The following ETAA1 variants were observed in gnomAD, a reference collection of about 807,000 sequenced individuals.
ETAA1 encodes ETAA1 activator of ATR kinase.
In ETAA1, 49 loss-of-function variants were observed where a neutral mutation model predicts 76.8. The ratio of observed to expected loss-of-function variants is 0.64; its 90% CI spans 0.51 to 0.81. The LOEUF is 0.81. ETAA1 is among the 30% of genes least tolerant of loss of function. The pLI is 0.00. For missense variants in ETAA1, 1,099 were observed against 1,074.0 expected (o/e 1.02, Z -0.32); for synonymous variants, 373 against 372.2 (o/e 1.00, Z -0.03).
chr2:67,403,708 A>T lies in ETAA1; in HGVS notation c.1026A>T (p.Ser342=), dbSNP rs777652446. ...IEKLSNKTPR[S]LSSQVDTPIM... is the part of the protein sequence containing the mutation. ...AACTGTCAAATAAAACCCCACGATC[A>T]CTTTCTTCTCAAGTAGATACACCCA... The change falls in exon 5 of 6, where the codon TCA becomes TCT. Residue 342 remains serine (S), a synonymous_variant. Coordinates refer to ENST00000272342, the MANE Select transcript of ETAA1 (RefSeq NM_019002.4). 3 of 1,613,384 alleles carry T rather than the reference A, an allele frequency of 1.9e-6. No homozygotes were observed. The South Asian group carries it at 3.3e-5, about 18-fold the overall frequency.
rs903397923 is a variant in ETAA1, at chr2:67,397,659, A to G, written c.211A>G (p.Ser71Gly). 1.9e-6 allele frequency: 3 copies of G among 1,547,152 alleles called. No homozygotes were observed. Among genetic ancestry groups the G allele is most frequent in the Non-Finnish European group, 2.6e-6 (3 of 1,146,852 alleles). The change falls in exon 1 of 6, where the codon AGT becomes GGT. Residue 71 changes from serine (S) to glycine (G), a missense_variant. Physicochemically the swap from Ser to Gly is moderately conservative, Grantham distance 56. Transcript: ENST00000272342. Reference sequence around the variant, plus strand: ...TCCGACCGCCGCCCTGTGCAGTAAAAGTAACCCCGAGGGTGAGACGTCGGC... The same window carrying G: ...TCCGACCGCCGCCCTGTGCAGTAAAGGTAACCCCGAGGGTGAGACGTCGGC... ...QPPTAALCSK[S>G]NPEERYETPK...
intron 5 of ETAA1, among the ~76,000 whole-genome samples, chr2:67,407,160 C>T (rs1676242665): frequency 6.6e-6 from 1 of 151,196 alleles, no homozygotes; most frequent in East Asian, 1.9e-4. Flanking sequence ...CAAGGGTGTC[C>T]AATCTTTTGG....
rs548438590 is a variant in ETAA1, at chr2:67,403,917, A to G, written c.1235A>G (p.Asp412Gly). 1.2e-6 allele frequency: 2 copies of G among 1,612,148 alleles called. No homozygotes were observed. Among genetic ancestry groups the G allele is most frequent in the African/African-American group, 2.7e-5 (2 of 74,908 alleles). ...CCTTCTAAAACAGCCCATGTTACTG[A>G]TCAAAAGGAAATTTGTACCTTTAAT... ...LFPSKTAHVTDQKEICTFNSK... is the reference protein window; with the variant it reads ...LFPSKTAHVTGQKEICTFNSK... Residue 412 changes from aspartate (D) to glycine (G), a missense_variant, in exon 5 of 6, where the codon GAT becomes GGT. Coordinates refer to ENST00000272342, the MANE Select transcript of ETAA1 (RefSeq NM_019002.4).
In ETAA1 at chr2:67,405,090, CTG is replaced by C. The variant is rs768653536; in HGVS notation, c.2410_2411del (p.Val804AsnfsTer3). 6 of 1,612,540 alleles carry C rather than the reference CTG, an allele frequency of 3.7e-6. No individual in the cohort carries two copies. The highest frequency in any genetic ancestry group is 5.1e-6 in the Non-Finnish European group (6 of 1,179,210). ...AGTACTAATCAGCCATGCCATAAGA[CTG>C]TAACAGATGAAGCTCAGAGCAACCT... is the stretch of plus-strand genomic sequence containing the variant. On this transcript the variant is annotated frameshift_variant, in exon 5 of 6. Coordinates refer to ENST00000272342, the MANE Select transcript of ETAA1 (RefSeq NM_019002.4). LOFTEE classifies it high-confidence loss of function.
In ETAA1 at chr2:67,411,708, T is replaced by C. The variant is rs1248641713; in HGVS notation, c.*1670T>C. Reference sequence around the variant, plus strand: ...GTTGGAGACTGTACATCAAAAATGGTATTTTCATATCTACAGTGGAGTACT... The same window carrying C: ...GTTGGAGACTGTACATCAAAAATGGCATTTTCATATCTACAGTGGAGTACT... On this transcript the variant is annotated 3_prime_UTR_variant, in exon 6 of 6. Coordinates refer to ENST00000272342, the MANE Select transcript of ETAA1 (RefSeq NM_019002.4). The C allele has an allele frequency of 6.6e-6, 1 of 152,130 alleles. No individual in the cohort carries two copies. Among genetic ancestry groups the C allele is most frequent in the Non-Finnish European group, 1.5e-5 (1 of 68,002 alleles). 9.4% of individuals were successfully genotyped at this position (152,130 alleles called of 1,614,324 possible).
At chr2:67,409,874 C>A in intron 5 of ETAA1, 37 bp from the exon 6 acceptor site, 2 of 1,565,178 alleles carry the variant, frequency 1.3e-6, no homozygotes, top group Non-Finnish European at 8.6e-7. Flanking sequence ...ACTTTATAGG[C>A]TATAAAAGTA....
Position 67,404,151 on chromosome 2 carries a change from T to C in ETAA1, c.1469T>C (p.Ile490Thr), listed in dbSNP as rs943103804. The C allele has an allele frequency of 1.9e-5, 30 of 1,593,666 alleles. No homozygotes were observed. The highest frequency in any genetic ancestry group is 3.4e-4 in the Middle Eastern group (2 of 5,936). Residue 490 changes from isoleucine to threonine, a missense_variant, in exon 5 of 6, where the codon ATT becomes ACT. This residue lies in a region of ETAA1 where 761 missense variants were observed against 731.9 expected (regional missense o/e 1.04). Transcript: ENST00000272342. The stretch of plus-strand genomic sequence containing the variant: ...GAGAACTCTTCCAATAAAATTGTTA[T>C]TCAAGACGAAATTCAAAATTGTATA... ...KFENSSNKIVIQDEIQNCIVT... is the reference protein window; with the variant it reads ...KFENSSNKIVTQDEIQNCIVT...
At chr2:67,409,118 C>T (rs1437597833) in intron 5 of ETAA1, among the ~76,000 whole-genome samples, 1 of 152,020 alleles carries the variant, frequency 6.6e-6, no homozygotes, top group Admixed American at 6.6e-5. Flanking sequence ...GAAAATGCCT[C>T]TGTTAGTTAA....
At chr2:67,408,914 A>C (rs982515608) in intron 5 of ETAA1, among the ~76,000 whole-genome samples, 3 of 152,056 alleles carry the variant, frequency 2.0e-5, no homozygotes, top group Non-Finnish European at 4.4e-5. Context: ...TAATTAGTCA[A>C]GCTAATTAGA....
At position 67,404,453 on chromosome 2, in the gene ETAA1, A is replaced by C; in HGVS notation, c.1771A>C (p.Lys591Gln). The C allele has an allele frequency of 6.2e-7, 1 of 1,613,326 alleles. No homozygotes were observed. The highest frequency in any genetic ancestry group is 8.5e-7 in the Non-Finnish European group (1 of 1,179,512). ...NDPSFANEIIKACHQLDNTWE... is the reference protein window; with the variant it reads ...NDPSFANEIIQACHQLDNTWE... Reference sequence around the variant, plus strand: ...TCCCTCATTTGCCAATGAAATTATTAAAGCATGTCATCAATTAGATAATAC... The same window carrying C: ...TCCCTCATTTGCCAATGAAATTATTCAAGCATGTCATCAATTAGATAATAC... Residue 591 changes from lysine to glutamine, a missense_variant, in exon 5 of 6, where the codon AAA becomes CAA. This residue lies in a region of ETAA1 where 761 missense variants were observed against 731.9 expected (regional missense o/e 1.04). Transcript: ENST00000272342.
chr2:67,399,112 G>C, intron 1 of ETAA1, 57 bp from the exon 2 acceptor site: 1 of 1,508,916 alleles, frequency 6.6e-7, no homozygotes, highest in South Asian at 1.3e-5. Flanking sequence ...GGGGTCTTAC[G>C]AAGTAAGGTA....
Position 67,405,149 on chromosome 2 carries a change from TTTAC to T in ETAA1, c.2468_2471del (p.Phe823Ter). 1.2e-6 allele frequency: 2 copies of T among 1,612,538 alleles called. No individual in the cohort carries two copies. On this transcript the variant is annotated frameshift_variant, in exon 5 of 6. Coordinates refer to ENST00000272342, the MANE Select transcript of ETAA1 (RefSeq NM_019002.4). LOFTEE classifies it high-confidence loss of function. Reference sequence around the variant, plus strand: ...AACAGTTGGATTTTCAAAGTTTACATTTACAAGGATGAAAAATTCTCAGATTCTT... The same window carrying T: ...AACAGTTGGATTTTCAAAGTTTACATAAGGATGAAAAATTCTCAGATTCTT...
Position 67,403,562 on chromosome 2 carries a change from A to T in ETAA1, c.880A>T (p.Ser294Cys). ...AIFDGSTQKC[S>C]GQLSQELPEA... ...TTTTGATGGTTCTACTCAGAAATGT[A>T]GCGGACAGTTAAGCCAAGAACTGCC... Residue 294 changes from serine to cysteine, a missense_variant, in exon 5 of 6, where the codon AGC (serine) becomes TGC (cysteine). By Grantham distance (112) the Ser-to-Cys change is moderately radical (BLOSUM62 -1). Transcript: ENST00000272342. The T allele has an allele frequency of 6.2e-7, 1 of 1,613,472 alleles. No individual in the cohort carries two copies. The highest frequency in any genetic ancestry group is 8.5e-7 in the Non-Finnish European group (1 of 1,179,464).
chr2:67,411,452 A>G lies in ETAA1; in HGVS notation c.*1414A>G, dbSNP rs951641382. 7 of 152,134 alleles carry G rather than the reference A, an allele frequency of 4.6e-5. No individual in the cohort carries two copies. The highest frequency in any genetic ancestry group is 3.9e-4 in the Admixed American group (6 of 15,242). 9.4% of individuals were successfully genotyped at this position (152,134 alleles called of 1,614,324 possible). ...TCTACCAGACAACATAGCTTAGCTTAGCCTACCTTAAACATGCTCAAATCA... is the reference window on the plus strand; with the variant it reads ...TCTACCAGACAACATAGCTTAGCTTGGCCTACCTTAAACATGCTCAAATCA... On this transcript the variant is annotated 3_prime_UTR_variant, in exon 6 of 6. Transcript: ENST00000272342.
rs1314412292 is a variant in ETAA1, at chr2:67,397,590, G to A, written c.142G>A (p.Ala48Thr). 6 of 1,554,276 alleles carry A rather than the reference G, an allele frequency of 3.9e-6. No homozygotes were observed. The African/African-American group carries it at 4.1e-5, about 11-fold the overall frequency. Residue 48 changes from alanine to threonine, a missense_variant, in exon 1 of 6, where the codon GCT becomes ACT. Ala to Thr is a moderately conservative substitution (Grantham distance 58). Around this residue, in one of 3 missense-constraint regions of ETAA1, gnomAD observed 761 missense variants for 731.9 expected, o/e 1.04. Transcript: ENST00000272342. ...GGCCCGCGGTTCGTGGCCCTGCGGGGCTAGAGAGGGGCCTCCCGGGCCAGT... is the reference window on the plus strand; with the variant it reads ...GGCCCGCGGTTCGTGGCCCTGCGGGACTAGAGAGGGGCCTCCCGGGCCAGT... ...RSARGSWPCG[A>T]REGPPGPVRQ...
rs1458334207 is a variant in ETAA1, at chr2:67,403,841, C to G, written c.1159C>G (p.Leu387Val). 6.2e-7 allele frequency: 1 copy of G among 1,613,176 alleles called. No homozygotes were observed. The change falls in exon 5 of 6, where the codon CTA becomes GTA. Residue 387 changes from leucine (L) to valine (V), a missense_variant. By Grantham distance (32) the Leu-to-Val change is conservative. This residue lies in a region of ETAA1 where 761 missense variants were observed against 731.9 expected (regional missense o/e 1.04). Transcript: ENST00000272342. Reference sequence around the variant, plus strand: ...TTTTGAGGATGATTGGGAAAACTTACTAGGTAGTGAACCTTTTGCTATGCA... The same window carrying G: ...TTTTGAGGATGATTGGGAAAACTTAGTAGGTAGTGAACCTTTTGCTATGCA... ...SDFEDDWENL[L>V]GSEPFAMQNI...
chr2:67,397,526 C>T lies in ETAA1; in HGVS notation c.78C>T (p.Cys26=), dbSNP rs1370923044. ...ACAAAACAGTGGCGGCGGAGGAATG[C>T]GGCTCGGTGGTCGAGCCAGGGAGGA... ...TPHKTVAAEE[C]GSVVEPGRRR... Residue 26 remains cysteine, a synonymous_variant, in exon 1 of 6, where the codon TGC becomes TGT. Transcript: ENST00000272342. 2 of 1,591,036 alleles carry T rather than the reference C, an allele frequency of 1.3e-6. No individual in the cohort carries two copies. The highest frequency in any genetic ancestry group is 1.7e-6 in the Non-Finnish European group (2 of 1,168,936).
chr2:67,398,856 G>C (rs1043649307), intron 1 of ETAA1, among the ~76,000 whole-genome samples: 1 of 152,150 alleles, frequency 6.6e-6, no homozygotes, highest in African/African-American at 2.4e-5. Context: ...ATAAATTACA[G>C]ATGGTTCCCC....
chr2:67,402,532 T>C (rs1200693179), intron 3 of ETAA1: 1 of 154,836 alleles, frequency 6.5e-6, no homozygotes, highest in Non-Finnish European at 1.4e-5. Context: ...AATTAAAATG[T>C]CAATTTTCTT....
Sources: gnomAD v4.1 joint callset for allele counts (sites outside exome capture counted in the v4.1 genomes callset) on GRCh38, gnomAD v4.1.1 for gene constraint, gnomAD v4.1.1 regional missense constraint, MANE v1.5 for transcripts, NCBI Gene and HGNC (gene_info 2026-07-23, HGNC 2026-07-21) for gene names.